The following KCNG4 variants were observed in gnomAD, a reference collection of about 807,000 sequenced individuals.
The protein encoded by KCNG4 is potassium voltage-gated channel modifier subfamily G member 4.
In KCNG4, 30 loss-of-function variants were observed where a neutral mutation model predicts 28.2. That is an observed-to-expected ratio of 1.06 (90% CI 0.80 to 1.44). KCNG4 has a LOEUF of 1.44. Ranked by LOEUF, KCNG4 falls within the 40% of genes most tolerant of loss-of-function variation. KCNG4 has a pLI of 0.00. For synonymous variants in KCNG4, 375 were observed against 315.5 expected (o/e 1.19, Z -2.00); for missense variants, 879 against 712.3 (o/e 1.23, Z -2.66).
In KCNG4 at chr16:84,222,996, A is replaced by G. The variant is rs766259425; in HGVS notation, c.781T>C (p.Tyr261His). 6.5e-7 allele frequency: 1 copy of G among 1,535,680 alleles called. No individual in the cohort carries two copies. Among genetic ancestry groups the G allele is most frequent in the Non-Finnish European group, 8.8e-7 (1 of 1,140,266 alleles). ...CAGATGGTCTCCACGATGAAAATAT[A>G]GTAGCACTTCCGAGAGCATTCGCCC... ...DQGECSRKCY[Y>H]IFIVETICVA... Residue 261 changes from tyrosine (Y) to histidine (H), a missense_variant, in exon 3 of 3, where the codon TAT (tyrosine) becomes CAT (histidine). Coordinates refer to ENST00000308251, the MANE Select transcript of KCNG4 (RefSeq NM_172347.3).
chr16:84,231,916 A>G (rs36082706), intron 2 of KCNG4, among the ~76,000 whole-genome samples: 24,892 of 150,748 alleles, frequency 0.17, 2,134 homozygotes, highest in Middle Eastern at 0.23. Flanking sequence ...AGGCAGGAGA[A>G]TTGTTTGAAC....
rs1904709575 is a variant in KCNG4, at chr16:84,226,844, A to G, written c.757-3824T>C. On this transcript the variant is annotated intron_variant, in intron 2 of 2. Coordinates refer to ENST00000308251, the MANE Select transcript of KCNG4 (RefSeq NM_172347.3). This position sits in a 1 kb window ranked among gnomAD's most constrained non-coding sequence, Gnocchi z 4.1. ...CAGTGAGCCGAGATTGCACCACTGCACTGCAGCCTGGGCGATAGAGCGAGA... is the reference window on the plus strand; with the variant it reads ...CAGTGAGCCGAGATTGCACCACTGCGCTGCAGCCTGGGCGATAGAGCGAGA... Among the ~76,000 whole-genome samples, 1 of 151,972 alleles carries G rather than the reference A, an allele frequency of 6.6e-6. No individual in the cohort carries two copies. The highest frequency in any genetic ancestry group is 2.4e-5 in the African/African-American group (1 of 41,374).
At position 84,222,366 on chromosome 16, in the gene KCNG4, G is replaced by T; in HGVS notation, c.1411C>A (p.Leu471Ile). 11 of 1,614,194 alleles carry T rather than the reference G, an allele frequency of 6.8e-6. No individual in the cohort carries two copies. Among genetic ancestry groups the T allele is most frequent in the South Asian group, 1.1e-5 (1 of 91,090 alleles). Residue 471 changes from leucine (L) to isoleucine (I), a missense_variant, in exon 3 of 3, where the codon CTT (leucine) becomes ATT (isoleucine). Leu to Ile is a conservative substitution (Grantham distance 5). Transcript: ENST00000308251. Reference protein sequence around the residue: ...YLELKKEQEQLQARLRHLQNT... With the variant: ...YLELKKEQEQIQARLRHLQNT... Reference sequence around the variant, plus strand: ...TGGAGGTGGCGGAGGCGGGCCTGAAGCTGCTCCTGCTCCTTCTTGAGCTCC... The same window carrying T: ...TGGAGGTGGCGGAGGCGGGCCTGAATCTGCTCCTGCTCCTTCTTGAGCTCC...
intron 2 of KCNG4, among the ~76,000 whole-genome samples, chr16:84,227,131 A>G (rs1904716262): frequency 6.6e-6 from 1 of 152,180 alleles, no homozygotes; most frequent in South Asian, 2.1e-4. Flanking sequence ...AGAAACTGGA[A>G]CCCATCACTA....
chr16:84,226,889 A>G lies in KCNG4; in HGVS notation c.757-3869T>C, dbSNP rs188732052. Among the ~76,000 whole-genome samples, 218 of 152,076 alleles carry G rather than the reference A, an allele frequency of 1.4e-3. No individual in the cohort carries two copies. The highest frequency in any genetic ancestry group is 2.3e-3 in the Non-Finnish European group (157 of 67,944). On this transcript the variant is annotated intron_variant, in intron 2 of 2. Transcript: ENST00000308251. The surrounding 1 kb of genome is among the most constrained non-coding windows in gnomAD (Gnocchi z 4.1). Reference sequence around the variant, plus strand: ...GCGAGACTCCGTCTCAAAGACAAACATACACAAAAGCGGCAGAATATTGAC... The same window carrying G: ...GCGAGACTCCGTCTCAAAGACAAACGTACACAAAAGCGGCAGAATATTGAC...
Position 84,222,664 on chromosome 16 carries a change from G to T in KCNG4, c.1113C>A (p.Phe371Leu), listed in dbSNP as rs774390689. The T allele has an allele frequency of 3.1e-6, 5 of 1,613,218 alleles. No individual in the cohort carries two copies. The change falls in exon 3 of 3, where the codon TTC (phenylalanine) becomes TTA (leucine). Residue 371 changes from phenylalanine to leucine, a missense_variant. By Grantham distance (22) the Phe-to-Leu change is conservative. Transcript: ENST00000308251. The stretch of plus-strand genomic sequence containing the variant: ...CGGCCAGGAAGAGAAGGAGCAGGCC[G>T]AACTCACGTGTGCAACGGCGCACGG... ...GLTVRRCTRE[F>L]GLLLLFLAVA...
chr16:84,224,596 G>A (rs951735081), intron 2 of KCNG4, among the ~76,000 whole-genome samples: 2 of 152,210 alleles, frequency 1.3e-5, no homozygotes, highest in Non-Finnish European at 2.9e-5. Flanking sequence ...AAATTGAAAT[G>A]TTCTTTATGC....
chr16:84,232,325 A>G (rs2151338917), intron 2 of KCNG4, among the ~76,000 whole-genome samples: 1 of 152,348 alleles, frequency 6.6e-6, no homozygotes, highest in Admixed American at 6.5e-5. Flanking sequence ...GAAGCCAGTC[A>G]CAGAAGACCA....
rs1414067423 is a variant in KCNG4 at position 84,226,387 on chromosome 16, C to A, written c.757-3367G>T. 4.6e-5 allele frequency among the ~76,000 whole-genome samples: 7 copies of A among 152,078 alleles called. No individual in the cohort carries two copies. Among genetic ancestry groups the A allele is most frequent in the Non-Finnish European group, 1.5e-5 (1 of 68,002 alleles). On this transcript the variant is annotated intron_variant, in intron 2 of 2. Coordinates refer to ENST00000308251, the MANE Select transcript of KCNG4 (RefSeq NM_172347.3). The surrounding 1 kb of genome is among the most constrained non-coding windows in gnomAD (Gnocchi z 4.1). Reference sequence around the variant, plus strand: ...TGGCCTGTGAAGGGCCACGAGGGAGCTTTCTGGGGTCACAGAAATATTCTA... The same window carrying A: ...TGGCCTGTGAAGGGCCACGAGGGAGATTTCTGGGGTCACAGAAATATTCTA...
chr16:84,226,872 C>G lies in KCNG4; in HGVS notation c.757-3852G>C, dbSNP rs776237565. Among the ~76,000 whole-genome samples the G allele has an allele frequency of 1.3e-5, 2 of 151,910 alleles. No individual in the cohort carries two copies. The highest frequency in any genetic ancestry group is 2.9e-5 in the Non-Finnish European group (2 of 67,958). The stretch of plus-strand genomic sequence containing the variant: ...GCAGCCTGGGCGATAGAGCGAGACT[C>G]CGTCTCAAAGACAAACATACACAAA... On this transcript the variant is annotated intron_variant, in intron 2 of 2. Coordinates refer to ENST00000308251, the MANE Select transcript of KCNG4 (RefSeq NM_172347.3). This position sits in a 1 kb window ranked among gnomAD's most constrained non-coding sequence, Gnocchi z 4.1.
chr16:84,225,795 C>T (rs1904683429), intron 2 of KCNG4, among the ~76,000 whole-genome samples: 1 of 152,200 alleles, frequency 6.6e-6, no homozygotes. Flanking sequence ...CCTCTGGCCA[C>T]CTCTCTGGAC....
In KCNG4 at chr16:84,236,568, T is replaced by G. The variant is rs1436198670; in HGVS notation, c.756+162A>C. The stretch of plus-strand genomic sequence containing the variant: ...AAAAAAAAAAGATGGAAAATTATCT[T>G]TTATGACTGATGGCCTAATAATGAA... On this transcript the variant is annotated intron_variant, in intron 2 of 2. Transcript: ENST00000308251. The G allele has an allele frequency of 2.5e-5, 23 of 918,168 alleles. No homozygotes were observed. In the African/African-American group the frequency reaches 3.9e-4, roughly 15 times the overall value. The allele number at this position is 918,168 out of a possible 1,614,324, so 56.9% of individuals were successfully genotyped here. A position where few individuals can be genotyped will look rare whatever the true frequency, so the allele number is the denominator to read the frequency against.
At position 84,222,429 on chromosome 16, in the gene KCNG4, C is replaced by T; in HGVS notation, c.1348G>A (p.Ala450Thr). ...LSGILIMAFP[A>T]TSIFHTFSHS... ...GAGAAGGTGTGGAAGATAGACGTGGCCGGGAAGGCCATGATGAGGATCCCG... is the reference window on the plus strand; with the variant it reads ...GAGAAGGTGTGGAAGATAGACGTGGTCGGGAAGGCCATGATGAGGATCCCG... The change falls in exon 3 of 3, where the codon GCC (alanine) becomes ACC (threonine). Residue 450 changes from alanine (A) to threonine (T), a missense_variant. Coordinates refer to ENST00000308251, the MANE Select transcript of KCNG4 (RefSeq NM_172347.3). The T allele has an allele frequency of 6.2e-7, 1 of 1,614,120 alleles. No homozygotes were observed. The highest frequency in any genetic ancestry group is 8.5e-7 in the Non-Finnish European group (1 of 1,180,034).
In KCNG4 at chr16:84,226,086, G is replaced by T. The variant is rs12448596; in HGVS notation, c.757-3066C>A. Among the ~76,000 whole-genome samples, 15,368 of 152,264 alleles carry T rather than the reference G, an allele frequency of 0.1. 943 individuals are homozygous for T. The highest frequency in any genetic ancestry group is 0.13 in the Middle Eastern group (39 of 294). Reference sequence around the variant, plus strand: ...GGTCCTAGGAACCCCCTGGGCCCTGGGCACACCGGGATGGTTGGTCACCCT... The same window carrying T: ...GGTCCTAGGAACCCCCTGGGCCCTGTGCACACCGGGATGGTTGGTCACCCT... On this transcript the variant is annotated intron_variant, in intron 2 of 2. Coordinates refer to ENST00000308251, the MANE Select transcript of KCNG4 (RefSeq NM_172347.3). This position sits in a 1 kb window ranked among gnomAD's most constrained non-coding sequence, Gnocchi z 4.1.
In KCNG4 at chr16:84,237,136, G is replaced by A. The variant is rs774044478; in HGVS notation, c.350C>T (p.Pro117Leu). 1.2e-6 allele frequency: 2 copies of A among 1,614,128 alleles called. No homozygotes were observed. The highest frequency in any genetic ancestry group is 1.7e-6 in the Non-Finnish European group (2 of 1,180,016). ...GCTCACGATCACCCCGAAGGCGCTG[G>A]GGCTCCTGTCGAAGAAGAACTCCTG... ...DSQEFFFDRS[P>L]SAFGVIVSFL... The change falls in exon 2 of 3, where the codon CCC becomes CTC. Residue 117 changes from proline (P) to leucine (L), a missense_variant. Physicochemically the swap from Pro to Leu is moderately conservative, Grantham distance 98. Transcript: ENST00000308251.
chr16:84,237,579 C>A, intron 1 of KCNG4, 54 bp from the exon 2 acceptor site: 1 of 1,301,438 alleles, frequency 7.7e-7, no homozygotes, highest in South Asian at 2.1e-5. Context: ...AGTCTTGGGG[C>A]AAAGAGTCCT....
chr16:84,236,739 C>T lies in KCNG4; in HGVS notation c.747G>A (p.Glu249=), dbSNP rs1253680289. 2.5e-6 allele frequency: 4 copies of T among 1,611,402 alleles called. No homozygotes were observed. The Admixed American group carries it at 6.7e-5, about 27-fold the overall frequency. ...ATCAGAGGCCGCTCACCTGGTCCTC[C>T]TCTGCCCTGAGGTCGGGCATGGTGC... ...CVSTMPDLRA[E]EDQGECSRKC... The change falls in exon 2 of 3, where the codon GAG becomes GAA. Residue 249 remains glutamate, a synonymous_variant. Transcript: ENST00000308251.
chr16:84,225,576 C>G lies in KCNG4; in HGVS notation c.757-2556G>C, dbSNP rs558473470. Among the ~76,000 whole-genome samples, 4 of 152,360 alleles carry G rather than the reference C, an allele frequency of 2.6e-5. No homozygotes were observed. The South Asian group carries it at 6.2e-4, about 24-fold the overall frequency. On this transcript the variant is annotated intron_variant, in intron 2 of 2. Transcript: ENST00000308251. ...CTGAGCTAGATTCTGCCTACAAGGC[C>G]TCTCTCTTTGCAGACATCCTGGGAG... is the stretch of plus-strand genomic sequence containing the variant.
chr16:84,236,696 G>A, intron 2 of KCNG4, 34 bp downstream of exon 2: 1 of 1,580,172 alleles, frequency 6.3e-7, no homozygotes, highest in Non-Finnish European at 8.6e-7. Flanking sequence ...CACCCTGCGG[G>A]ATGGAGCCGT....
Sources: gnomAD v4.1 joint callset for allele counts (sites outside exome capture counted in the v4.1 genomes callset) on GRCh38, gnomAD v4.1.1 for gene constraint, Gnocchi (gnomAD v3.1) non-coding constraint, MANE v1.5 for transcripts, NCBI Gene and HGNC (gene_info 2026-07-23, HGNC 2026-07-21) for gene names.